Variants in ZNF257 observed in about 807,000 individuals in gnomAD.
The protein encoded by ZNF257 is bone marrow zinc finger 4.
In ZNF257, 12 loss-of-function variants were observed where a neutral mutation model predicts 11.9. That is an observed-to-expected ratio of 1.01 (90% CI 0.65 to 1.63). ZNF257 has a LOEUF of 1.63. Ranked by LOEUF, ZNF257 falls within the 40% of genes most tolerant of loss-of-function variation. ZNF257 has a pLI of 0.00. For synonymous variants in ZNF257, 183 were observed against 222.7 expected (o/e 0.82, Z 1.59); for missense variants, 580 against 665.5 (o/e 0.87, Z 1.41).
At position 22,078,236 on chromosome 19, in the gene ZNF257, TAAA is replaced by T. The variant is rs56056830; in HGVS notation, c.226+4692_226+4694del. 4.4e-3 allele frequency among the ~76,000 whole-genome samples: 450 copies of T among 102,124 alleles called. 1 individual carries two copies. Among genetic ancestry groups the T allele is most frequent in the African/African-American group, 0.014 (392 of 28,514 alleles). The allele number at this position is 102,124 out of a possible 152,430, so 67.0% of individuals were successfully genotyped here. On this transcript the variant is annotated intron_variant, in intron 3 of 3. Transcript: ENST00000594947. Reference sequence around the variant, plus strand: ...CTGGGCAACAGAGGGAGACTCCAACTAAAAAAAAAAAAAAAAAAAAAATTATAG... The same window carrying T: ...CTGGGCAACAGAGGGAGACTCCAACTAAAAAAAAAAAAAAAAAAATTATAG...
In ZNF257 at chr19:22,088,057, T is replaced by C; in HGVS notation, c.307T>C (p.Tyr103His). The C allele has an allele frequency of 6.2e-7, 1 of 1,602,872 alleles. No homozygotes were observed. The highest frequency in any genetic ancestry group is 1.3e-5 in the African/African-American group (1 of 74,682). ...TTTCCAAAAAGTCATACTGAGGAGA[T>C]ATGATAAATGTGAACATGAGAATTT... ...YFFQKVILRR[Y>H]DKCEHENLQL... The change falls in exon 4 of 4, where the codon TAT becomes CAT. Residue 103 changes from tyrosine to histidine, a missense_variant. Physicochemically the swap from Tyr to His is moderately conservative, Grantham distance 83 (BLOSUM62 2). Transcript: ENST00000594947.
chr19:22,056,188 G>A (rs8107039), intron 1 of ZNF257, among the ~76,000 whole-genome samples: 99,910 of 151,984 alleles, frequency 0.66, 33,717 homozygotes, highest in South Asian at 0.83. Flanking sequence ...GCACTGTCTC[G>A]TGCCTGTAAT....
chr19:22,076,100 C>T (rs1446260766), intron 3 of ZNF257, among the ~76,000 whole-genome samples: 1 of 152,032 alleles, frequency 6.6e-6, no homozygotes, highest in South Asian at 2.1e-4. Context: ...AATTAGTAGG[C>T]ATTCCATATT....
chr19:22,053,593 C>T (rs6511314), intron 1 of ZNF257, among the ~76,000 whole-genome samples: 1 of 151,854 alleles, frequency 6.6e-6, no homozygotes, highest in African/African-American at 2.4e-5. Flanking sequence ...TAGTTGGCTA[C>T]GCCTCAATTT....
At chr19:22,087,846 AAATT>A in intron 3 of ZNF257, 127 bp from the exon 4 acceptor site, 1 of 886,228 alleles carries the variant, frequency 1.1e-6, no homozygotes, top group Non-Finnish European at 1.5e-6. Flanking sequence ...GTTTTTGAAT[AAATT>A]AGAGCCTGTG....
At chr19:22,072,560 T>G (rs1054154856) in intron 1 of ZNF257, among the ~76,000 whole-genome samples, 1 of 152,188 alleles carries the variant, frequency 6.6e-6, no homozygotes, top group Non-Finnish European at 1.5e-5. Flanking sequence ...CTCTCTCATT[T>G]GACCTTGAGA....
At chr19:22,057,521 G>A (rs1301940094) in intron 1 of ZNF257, among the ~76,000 whole-genome samples, 1 of 152,084 alleles carries the variant, frequency 6.6e-6, no homozygotes, top group Admixed American at 6.6e-5. Context: ...GTCTCAGAAG[G>A]TCTTACTGAA....
At position 22,091,419 on chromosome 19, in the gene ZNF257, C is replaced by T. The variant is rs1036967117; in HGVS notation, c.*1977C>T. ...AGGTTGCAGTGAGCCAAGATCACGA[C>T]ATTGCACTCCAGCCTAGGCAACAAG... On this transcript the variant is annotated 3_prime_UTR_variant, in exon 4 of 4. Coordinates refer to ENST00000594947, the MANE Select transcript of ZNF257 (RefSeq NM_033468.4). 1 of 127,966 alleles carries T rather than the reference C, an allele frequency of 7.8e-6. No individual in the cohort carries two copies. The highest frequency in any genetic ancestry group is 2.7e-4 in the South Asian group (1 of 3,650). The allele number at this position is 127,966 out of a possible 1,614,324, so 7.9% of individuals were successfully genotyped here.
At chr19:22,079,425 C>G (rs564193098) in intron 3 of ZNF257, among the ~76,000 whole-genome samples, 1 of 152,250 alleles carries the variant, frequency 6.6e-6, no homozygotes, top group East Asian at 1.9e-4. Flanking sequence ...ATACCCAAGA[C>G]TGGGTAATTT....
chr19:22,059,756 T>A (rs1487335732), intron 1 of ZNF257, among the ~76,000 whole-genome samples: 3 of 151,950 alleles, frequency 2.0e-5, no homozygotes, highest in African/African-American at 4.8e-5. Flanking sequence ...AGGGTCTTAC[T>A]CTTTCACCCA....
At chr19:22,069,628 C>CA (rs60118865) in intron 1 of ZNF257, among the ~76,000 whole-genome samples, 37,011 of 136,328 alleles carry the variant, frequency 0.27, 5,999 homozygotes, top group African/African-American at 0.48. Context: ...GTCTTAAAAA[C>CA]AAAAAAACAA....
chr19:22,055,963 G>A (rs1261806419), intron 1 of ZNF257, among the ~76,000 whole-genome samples: 1 of 150,412 alleles, frequency 6.6e-6, no homozygotes, highest in African/African-American at 2.5e-5. Flanking sequence ...GCTGAGGCAG[G>A]AGAATGGCGT....
chr19:22,065,817 A>G (rs2021930032), intron 1 of ZNF257: 1 of 152,228 alleles, frequency 6.6e-6, no homozygotes, highest in Admixed American at 6.5e-5. Flanking sequence ...AGGGATTCCA[A>G]TTCTTCATCA....
At chr19:22,064,880 C>T (rs944135760) in intron 1 of ZNF257, among the ~76,000 whole-genome samples, 3 of 151,950 alleles carry the variant, frequency 2.0e-5, no homozygotes, top group African/African-American at 7.3e-5. Context: ...ATGGCGAAAC[C>T]CCGTTTCTAC....
chr19:22,074,407 A>C (rs1241421568), intron 3 of ZNF257: 1 of 151,990 alleles, frequency 6.6e-6, no homozygotes, highest in Admixed American at 6.6e-5. Flanking sequence ...ACTGAAGTGC[A>C]ATGGTGCAGT....
intron 3 of ZNF257, among the ~76,000 whole-genome samples, chr19:22,076,814 G>A (rs919805302): frequency 2.0e-5 from 3 of 151,934 alleles, no homozygotes; most frequent in East Asian, 1.9e-4. Flanking sequence ...TCAGCCTCCC[G>A]AGTAGCTGGG....
intron 1 of ZNF257, among the ~76,000 whole-genome samples, chr19:22,057,832 T>C (rs2021684913): frequency 6.6e-6 from 1 of 152,206 alleles, no homozygotes; most frequent in Non-Finnish European, 1.5e-5. Flanking sequence ...TGATCTCAGC[T>C]CACTGCAACC....
intron 3 of ZNF257, among the ~76,000 whole-genome samples, chr19:22,078,353 A>C (rs942434443): frequency 2.0e-5 from 3 of 151,616 alleles, no homozygotes; most frequent in Admixed American, 6.6e-5. Context: ...TTTCTTTTAA[A>C]TGCATTTTCT....
Position 22,088,391 on chromosome 19 carries a change from C to T in ZNF257, c.641C>T (p.Ser214Leu), listed in dbSNP as rs751155012. 6 of 1,613,868 alleles carry T rather than the reference C, an allele frequency of 3.7e-6. No individual in the cohort carries two copies. The South Asian group carries it at 6.6e-5, about 18-fold the overall frequency. ...EECGKAFNQS[S>L]ALTRHKMTHT... ...TGTGGCAAAGCCTTTAACCAGTCCT[C>T]AGCTCTTACTCGACATAAGATGACT... The change falls in exon 4 of 4, where the codon TCA becomes TTA. Residue 214 changes from serine (S) to leucine (L), a missense_variant. Coordinates refer to ENST00000594947, the MANE Select transcript of ZNF257 (RefSeq NM_033468.4).
Sources: allele counts gnomAD v4.1 joint callset (sites outside exome capture counted in the v4.1 genomes callset), GRCh38; gene constraint gnomAD v4.1.1; transcripts MANE v1.5; gene names NCBI Gene and HGNC (gene_info 2026-07-23, HGNC 2026-07-21).